CELF2: variants seen among roughly 807,000 people sequenced by gnomAD.
CELF2 encodes CUG triplet repeat RNA-binding protein 2.
A neutral mutation model predicts 62.6 loss-of-function variants in CELF2; 8 were observed. The observed-to-expected ratio is 0.13, with a 90% CI of 0.07 to 0.23. The LOEUF (loss-of-function observed/expected upper bound fraction) is 0.23, where lower values mean the gene tolerates loss of function less well. Among genes scored for constraint, CELF2 ranks in the 10% least tolerant of loss-of-function variants. The pLI is 1.00. For missense variants in CELF2, 333 were observed against 671.0 expected (o/e 0.50, Z 5.56); for synonymous variants, 258 against 250.0 (o/e 1.03, Z -0.30).
the CELF2 span, among the ~76,000 whole-genome samples, chr10:10,714,373 T>C: frequency 2.6e-5 from 4 of 152,144 alleles, no homozygotes; most frequent in Non-Finnish European, 5.9e-5. Context: ...AGTATTGACC[T>C]GGAATATAAA....
the CELF2 span, among the ~76,000 whole-genome samples, chr10:10,473,274 A>G: frequency 6.6e-6 from 1 of 151,980 alleles, no homozygotes; most frequent in Non-Finnish European, 1.5e-5. Context: ...CAGAGACCAG[A>G]GTTACATGCC....
chr10:10,579,109 A>G, the CELF2 span, among the ~76,000 whole-genome samples: 6 of 152,308 alleles, frequency 3.9e-5, no homozygotes, highest in Middle Eastern at 0.01. Context: ...TTAATTAATG[A>G]TTGAAGAAAA....
At chr10:10,823,578 A>G (rs1333985555) in intron 1 of CELF2, among the ~76,000 whole-genome samples, 3 of 90,882 alleles carry the variant, frequency 3.3e-5, no homozygotes, top group African/African-American at 9.8e-5. Context: ...ATGTTTTCTT[A>G]TGCACAAAAA....
chr10:10,804,413 G>T (rs1223591148), intron 1 of CELF2, among the ~76,000 whole-genome samples: 1 of 152,228 alleles, frequency 6.6e-6, no homozygotes, highest in Non-Finnish European at 1.5e-5. Context: ...TGACTAGCAG[G>T]AAAATAGAAG....
At chr10:10,962,060 T>G (rs145723938) in intron 2 of CELF2, among the ~76,000 whole-genome samples, 1 of 147,570 alleles carries the variant, frequency 6.8e-6, no homozygotes, top group Admixed American at 6.8e-5. Context: ...GGAGACCCCA[T>G]CTCTACAAAA....
the CELF2 span, among the ~76,000 whole-genome samples, chr10:10,668,159 A>AT: frequency 6.6e-6 from 1 of 152,202 alleles, no homozygotes. Context: ...TGGCAATATA[A>AT]TTGACATACA....
intron 1 of CELF2, among the ~76,000 whole-genome samples, chr10:11,076,386 G>T (rs984718376): frequency 2.6e-5 from 4 of 152,326 alleles, no homozygotes; most frequent in African/African-American, 9.6e-5. Flanking sequence ...AGCATTGCAA[G>T]GACGTAGGCT....
intron 2 of CELF2, among the ~76,000 whole-genome samples, chr10:11,181,061 G>A (rs1261280395): frequency 6.6e-6 from 1 of 152,116 alleles, no homozygotes; most frequent in Non-Finnish European, 1.5e-5. Flanking sequence ...GTAGAGGTGG[G>A]GTTTTGCCAT....
chr10:10,516,270 G>A, the CELF2 span, among the ~76,000 whole-genome samples: 3 of 152,190 alleles, frequency 2.0e-5, no homozygotes, highest in African/African-American at 4.8e-5. Context: ...TTCATGGGAT[G>A]TATCTGAGAA....
chr10:11,285,747 A>G lies in CELF2; in HGVS notation c.842-2671A>G, dbSNP rs72775865. Among the ~76,000 whole-genome samples the G allele has an allele frequency of 0.017, 2,643 of 152,230 alleles. 42 individuals are homozygous for G. Among genetic ancestry groups the G allele is most frequent in the Middle Eastern group, 0.045 (13 of 292 alleles). ...TGTACAGACAATACTCTTCAGAGCAATTTATGTAAATGTCAAACTTGTCTG... is the reference window on the plus strand; with the variant it reads ...TGTACAGACAATACTCTTCAGAGCAGTTTATGTAAATGTCAAACTTGTCTG... On this transcript the variant is annotated intron_variant, in intron 8 of 12. Transcript: ENST00000633077. This position sits in a 1 kb window ranked among gnomAD's most constrained non-coding sequence, Gnocchi z 4.3.
intron 2 of CELF2, among the ~76,000 whole-genome samples, chr10:10,949,204 G>C (rs758272246): frequency 6.6e-6 from 1 of 152,100 alleles, no homozygotes; most frequent in Admixed American, 6.5e-5. Flanking sequence ...CCTCCTCTCA[G>C]CTTTCTCCAT....
At chr10:11,189,378 AT>A (rs895573456) in intron 2 of CELF2, among the ~76,000 whole-genome samples, 3 of 152,102 alleles carry the variant, frequency 2.0e-5, no homozygotes, top group African/African-American at 4.8e-5. Context: ...TTGGATCTTA[AT>A]TTTTTTTGAA....
chr10:10,741,306 A>T, the CELF2 span, among the ~76,000 whole-genome samples: 2 of 151,910 alleles, frequency 1.3e-5, no homozygotes, highest in Non-Finnish European at 2.9e-5. Flanking sequence ...ATGTCAACAG[A>T]TCGAGACCAT....
In CELF2 at chr10:11,245,516, G is replaced by A. The variant is rs141601893; in HGVS notation, c.355-3637G>A. 5.3e-5 allele frequency among the ~76,000 whole-genome samples: 8 copies of A among 152,238 alleles called. No homozygotes were observed. In the East Asian group the frequency reaches 1.3e-3, roughly 26 times the overall value. ...AATTCACCATGGTCTGACAATCCAC[G>A]GCTCTGCGAAGTTGATTTTTCCCCT... On this transcript the variant is annotated intron_variant, in intron 3 of 12. Coordinates refer to ENST00000633077, the MANE Select transcript of CELF2 (RefSeq NM_001326342.2).
chr10:10,709,709 G>T, the CELF2 span, among the ~76,000 whole-genome samples: 2 of 152,202 alleles, frequency 1.3e-5, no homozygotes, highest in African/African-American at 2.4e-5. Flanking sequence ...GGGCGAGGCA[G>T]TGGTCTAACA....
intron 2 of CELF2, among the ~76,000 whole-genome samples, chr10:10,945,863 G>A (rs1166047028): frequency 6.6e-6 from 1 of 152,198 alleles, no homozygotes; most frequent in African/African-American, 2.4e-5. Context: ...GTTATTATGG[G>A]ATGTTAATGC....
At chr10:11,155,863 T>C (rs1202307489) in intron 1 of CELF2, among the ~76,000 whole-genome samples, 2 of 152,212 alleles carry the variant, frequency 1.3e-5, no homozygotes, top group Non-Finnish European at 2.9e-5. Context: ...TTCATTTCAG[T>C]TGTATTCCTT....
At chr10:10,746,344 T>C in the CELF2 span, among the ~76,000 whole-genome samples, 2 of 103,506 alleles carry the variant, frequency 1.9e-5, no homozygotes, top group African/African-American at 5.6e-5. Flanking sequence ...TCACCAAAAT[T>C]TGTTAGTCAC....
the CELF2 span, among the ~76,000 whole-genome samples, chr10:10,643,269 C>T: frequency 5.6e-4 from 85 of 151,956 alleles, no homozygotes; most frequent in African/African-American, 1.9e-3. Context: ...CCATAACCCC[C>T]GTGTATCATG....
Sources: allele counts gnomAD v4.1 joint callset (sites outside exome capture counted in the v4.1 genomes callset), GRCh38; gene constraint gnomAD v4.1.1; non-coding constraint Gnocchi (gnomAD v3.1); transcripts MANE v1.5; gene names NCBI Gene and HGNC (gene_info 2026-07-23, HGNC 2026-07-21).